MAP2K2: variants seen among roughly 807,000 people sequenced by gnomAD.
MAP2K2 encodes dual specificity mitogen-activated protein kinase kinase 2.
MAP2K2 carries 24 observed loss-of-function variants against 43.7 expected under a neutral mutation model. The observed-to-expected ratio is 0.55, with a 90% CI of 0.40 to 0.77. The LOEUF is 0.77. Ranked by LOEUF, MAP2K2 falls within the 30% of genes least tolerant of loss-of-function variation. MAP2K2 has a pLI of 0.00. For synonymous variants in MAP2K2, 244 were observed against 239.7 expected (o/e 1.02, Z -0.17); for missense variants, 470 against 566.8 (o/e 0.83, Z 1.73).
Position 4,094,578 on chromosome 19 carries a change from G to A in MAP2K2, c.1047-80C>T, listed in dbSNP as rs950581249. ...GTCAGCTGGTGGCCCCGGGGCACCC[G>A]CGTGTGGGCCGTGGTCGGAGGGGGC... On this transcript the variant is annotated intron_variant, in intron 9 of 10. Transcript: ENST00000262948. 8.1e-5 allele frequency: 111 copies of A among 1,374,210 alleles called. 1 individual carries two copies. The highest frequency in any genetic ancestry group is 2.4e-4 in the African/African-American group (17 of 69,718). 85.1% of individuals were successfully genotyped at this position (1,374,210 alleles called of 1,614,324 possible). A position where few individuals can be genotyped will look rare whatever the true frequency, so the allele number is the denominator to read the frequency against.
intron 9 of MAP2K2, 78 bp from the exon 10 acceptor site, chr19:4,094,576 C>A: frequency 7.1e-7 from 1 of 1,411,566 alleles, no homozygotes; most frequent in Non-Finnish European, 9.8e-7. Flanking sequence ...CCCGGGGCAC[C>A]CGCGTGTGGG....
chr19:4,119,197 G>C (rs1272605549), intron 1 of MAP2K2, among the ~76,000 whole-genome samples: 1 of 151,886 alleles, frequency 6.6e-6, no homozygotes, highest in Non-Finnish European at 1.5e-5. Context: ...ATCATGTCTG[G>C]CTCTTTTTAA....
At chr19:4,099,136 T>C (rs1334739656) in intron 7 of MAP2K2, 65 bp downstream of exon 7, 1 of 1,415,904 alleles carries the variant, frequency 7.1e-7, no homozygotes, top group African/African-American at 1.4e-5. Flanking sequence ...CTGCTGACCC[T>C]GGCACAGCAG....
intron 2 of MAP2K2, among the ~76,000 whole-genome samples, chr19:4,116,534 T>TA (rs911932512): frequency 1.2e-4 from 18 of 151,192 alleles, no homozygotes; most frequent in African/African-American, 4.1e-4. Flanking sequence ...TCTCTACACA[T>TA]ACACTCAAGT....
chr19:4,113,103 C>T (rs1036007178), intron 2 of MAP2K2, among the ~76,000 whole-genome samples: 10 of 152,160 alleles, frequency 6.6e-5, no homozygotes, highest in African/African-American at 2.2e-4. Context: ...TGACAAGAAG[C>T]AGGAAAGAGC....
At chr19:4,122,219 CCCTCCCACCCCATCTCTCCCCCAT>C in intron 1 of MAP2K2, among the ~76,000 whole-genome samples, 1 of 53,528 alleles carries the variant, frequency 1.9e-5, no homozygotes, top group East Asian at 6.7e-4. Flanking sequence ...CCCATAGGGA[CCCTCCCACCCCATCTCTCCCCCAT>C]AGGGACCCTC....
chr19:4,090,626 G>A lies in MAP2K2; in HGVS notation c.1175C>T (p.Pro392Leu). ...WLCKTLRLNQ[P>L]GTPTRTAV The stretch of plus-strand genomic sequence containing the variant: ...CACGGCGGTGCGCGTGGGTGTGCCG[G>A]GCTGGTTCAGCCGCAGGGTTTTACA... Residue 392 changes from proline (P) to leucine (L), a missense_variant, in exon 11 of 11, where the codon CCC becomes CTC. By Grantham distance (98) the Pro-to-Leu change is moderately conservative (BLOSUM62 -3). This residue lies in a region of MAP2K2 where 212 missense variants were observed against 220.8 expected (regional missense o/e 0.96). Coordinates refer to ENST00000262948, the MANE Select transcript of MAP2K2 (RefSeq NM_030662.4). 6.4e-7 allele frequency: 1 copy of A among 1,553,610 alleles called. No homozygotes were observed. Among genetic ancestry groups the A allele is most frequent in the Non-Finnish European group, 8.7e-7 (1 of 1,148,712 alleles).
chr19:4,101,215 G>T lies in MAP2K2; in HGVS notation c.580+14C>A, dbSNP rs544557960. 6.3e-7 allele frequency: 1 copy of T among 1,591,544 alleles called. No homozygotes were observed. Among genetic ancestry groups the T allele is most frequent in the African/African-American group, 1.3e-5 (1 of 74,562 alleles). Reference sequence around the variant, plus strand: ...CGGCCCCCGGGGCTCTGGGGAGGGCGGGCTGGGCCTTACCTCGGTGCATGA... The same window carrying T: ...CGGCCCCCGGGGCTCTGGGGAGGGCTGGCTGGGCCTTACCTCGGTGCATGA... On this transcript the variant is annotated intron_variant, in intron 5 of 10. Transcript: ENST00000262948. The surrounding 1 kb of genome is among the most constrained non-coding windows in gnomAD (Gnocchi z 6.3).
intron 3 of MAP2K2, among the ~76,000 whole-genome samples, chr19:4,107,856 G>A (rs1487181498): frequency 6.6e-6 from 1 of 152,222 alleles, no homozygotes; most frequent in Non-Finnish European, 1.5e-5. Context: ...CCTGGGAGGA[G>A]CTCACACAGT....
chr19:4,102,538 GT>G, intron 3 of MAP2K2, 85 bp from the exon 4 acceptor site: 2 of 1,109,748 alleles, frequency 1.8e-6, no homozygotes, highest in Non-Finnish European at 2.7e-6. Context: ...CGGCGAGGGG[GT>G]GGTCTGCCTC....
At chr19:4,106,739 A>G (rs1414426032) in intron 3 of MAP2K2, among the ~76,000 whole-genome samples, 3 of 152,112 alleles carry the variant, frequency 2.0e-5, no homozygotes, top group Non-Finnish European at 4.4e-5. Context: ...CCACCCCTCC[A>G]CTACATGAAT....
At chr19:4,107,540 A>AC (rs1376383800) in intron 3 of MAP2K2, among the ~76,000 whole-genome samples, 11 of 150,992 alleles carry the variant, frequency 7.3e-5, no homozygotes, top group Admixed American at 1.3e-4. Flanking sequence ...AAAAAAAAAA[A>AC]AAAAAACAAA....
At chr19:4,120,994 G>A (rs2041285652) in intron 1 of MAP2K2, among the ~76,000 whole-genome samples, 1 of 152,070 alleles carries the variant, frequency 6.6e-6, no homozygotes, top group Admixed American at 6.6e-5. Flanking sequence ...CACAGTCCCT[G>A]ACACCTGGTT....
In MAP2K2 at chr19:4,099,292, C is replaced by T. The variant is rs2145050000; in HGVS notation, c.828G>A (p.Glu276=). ...CGACCACGGGCCGGCCAAAGATGGC[C>T]TCCAGCTCTTTGGCGTCGGGCGGGG... ...PIPPPDAKEL[E]AIFGRPVVDG... is the part of the protein sequence containing the mutation. Residue 276 remains glutamate, a synonymous_variant, in exon 7 of 11, where the codon GAG becomes GAA. Transcript: ENST00000262948. 2 of 1,607,744 alleles carry T rather than the reference C, an allele frequency of 1.2e-6. No homozygotes were observed. Among genetic ancestry groups the T allele is most frequent in the East Asian group, 4.5e-5 (2 of 44,650 alleles).
rs1233377512 is a variant in MAP2K2 at position 4,099,408 on chromosome 19, G to A, written c.712C>T (p.Arg238Trp). 3.7e-6 allele frequency: 6 copies of A among 1,603,486 alleles called. No homozygotes were observed. The highest frequency in any genetic ancestry group is 1.1e-5 in the South Asian group (1 of 89,754). ...ACCGAGTAATGTGTGCCCTGCAACC[G>A]CTCCGGCTGCAGCAGAGCCAGGGAG... ...VGTRSYMAPE[R>W]LQGTHYSVQS... Residue 238 changes from arginine (R) to tryptophan (W), a missense_variant, in exon 7 of 11, where the codon CGG becomes TGG. Coordinates refer to ENST00000262948, the MANE Select transcript of MAP2K2 (RefSeq NM_030662.4).
chr19:4,102,620 G>A (rs2041030572), intron 3 of MAP2K2, 167 bp from the exon 4 acceptor site: 2 of 897,330 alleles, frequency 2.2e-6, no homozygotes, highest in Non-Finnish European at 3.5e-6. Flanking sequence ...TGACAGTTCT[G>A]CCTTTGGGTC....
At chr19:4,099,178 G>T (rs753982568) in intron 7 of MAP2K2, 23 bp downstream of exon 7, 2 of 1,584,478 alleles carry the variant, frequency 1.3e-6, no homozygotes, top group Non-Finnish European at 1.7e-6. Context: ...GTCCAGACCG[G>T]AAGTTGCAGA....
chr19:4,122,096 C>G (rs1044438022), intron 1 of MAP2K2, among the ~76,000 whole-genome samples: 1 of 145,576 alleles, frequency 6.9e-6, no homozygotes, highest in Non-Finnish European at 1.5e-5. Context: ...TCCCCGCCCC[C>G]CCAAGACCTC....
At chr19:4,117,297 A>C in intron 2 of MAP2K2, 122 bp downstream of exon 2, 1 of 956,248 alleles carries the variant, frequency 1.0e-6, no homozygotes, top group Non-Finnish European at 1.6e-6. Flanking sequence ...CCTGGTGGGG[A>C]TGAGGGACAG....
Sources: gnomAD v4.1 joint callset for allele counts (sites outside exome capture counted in the v4.1 genomes callset) on GRCh38, gnomAD v4.1.1 for gene constraint, gnomAD v4.1.1 regional missense constraint, Gnocchi (gnomAD v3.1) non-coding constraint, MANE v1.5 for transcripts, NCBI Gene and HGNC (gene_info 2026-07-23, HGNC 2026-07-21) for gene names.